The following ANKFN1 variants were observed in gnomAD, a reference collection of about 807,000 sequenced individuals.
The protein encoded by ANKFN1 is ankyrin repeat and fibronectin type-III domain-containing protein 1.
In ANKFN1, 74 loss-of-function variants were observed where a neutral mutation model predicts 108.7. That is an observed-to-expected ratio of 0.68 (90% confidence interval 0.56 to 0.83). The LOEUF (loss-of-function observed/expected upper bound fraction) is 0.83, where lower values mean the gene tolerates loss of function less well. Among genes scored for constraint, ANKFN1 ranks in the 40% least tolerant of loss-of-function variants. The probability of loss-of-function intolerance (pLI) is 0.00; values close to 1 mark genes in which losing one functional copy is unlikely to be tolerated. For missense variants in ANKFN1, 1,505 were observed against 1,382.3 expected (o/e 1.09, Z -1.41); for synonymous variants, 547 against 516.2 (o/e 1.06, Z -0.81).
intron 4 of ANKFN1, among the ~76,000 whole-genome samples, chr17:56,330,212 GT>G (rs142634250): frequency 0.012 from 1,122 of 90,800 alleles, 19 homozygotes; most frequent in African/African-American, 0.029. Flanking sequence ...TGGAATCACA[GT>G]TCCACATGGC....
At chr17:56,278,482 G>C (rs563712800) in intron 3 of ANKFN1, among the ~76,000 whole-genome samples, 1 of 152,272 alleles carries the variant, frequency 6.6e-6, no homozygotes, top group South Asian at 2.1e-4. Flanking sequence ...TATCCCAAAA[G>C]TAAACTTCAA....
chr17:56,093,694 C>T (rs1436384959), intron 4 of ANKFN1, among the ~76,000 whole-genome samples: 1 of 151,336 alleles, frequency 6.6e-6, no homozygotes, highest in East Asian at 1.9e-4. Flanking sequence ...AATGTCAAGC[C>T]CCAAGGTGAA....
intron 1 of ANKFN1, among the ~76,000 whole-genome samples, chr17:56,188,436 A>C (rs1404033346): frequency 6.6e-6 from 1 of 151,094 alleles, no homozygotes; most frequent in Non-Finnish European, 1.5e-5. Context: ...GCTGCTTATG[A>C]AATAATAAGA....
chr17:56,088,055 C>A (rs1355806215), intron 4 of ANKFN1, among the ~76,000 whole-genome samples: 1 of 151,276 alleles, frequency 6.6e-6, no homozygotes, highest in Non-Finnish European at 1.5e-5. Context: ...ATTCCAGTAG[C>A]CATCTTCACC....
intron 15 of ANKFN1, among the ~76,000 whole-genome samples, chr17:56,467,795 A>AAAAAGAAAG (rs1568026359): frequency 2.7e-3 from 47 of 17,698 alleles, no homozygotes; most frequent in African/African-American, 0.012. Flanking sequence ...AAGAAAGAAG[A>AAAAAGAAAG]AAGAAAGAAA....
At chr17:56,148,445 A>T (rs1001732462) in intron 4 of ANKFN1, among the ~76,000 whole-genome samples, 4 of 152,128 alleles carry the variant, frequency 2.6e-5, no homozygotes, top group East Asian at 3.9e-4. Flanking sequence ...GGTTTGTTTG[A>T]CCTCAGACAA....
At chr17:56,110,411 C>A (rs934085134) in intron 4 of ANKFN1, among the ~76,000 whole-genome samples, 1 of 152,186 alleles carries the variant, frequency 6.6e-6, no homozygotes, top group Non-Finnish European at 1.5e-5. Flanking sequence ...GACCTGAAGC[C>A]TTTCCTTCAT....
In ANKFN1 at chr17:56,440,313, C is replaced by T. The variant is rs370211962; in HGVS notation, c.911-14C>T. 26 of 1,564,962 alleles carry T rather than the reference C, an allele frequency of 1.7e-5. No individual in the cohort carries two copies. The highest frequency in any genetic ancestry group is 4.1e-5 in the African/African-American group (3 of 73,860). On this transcript the variant is annotated splice_polypyrimidine_tract_variant and intron_variant, in intron 8 of 20. Transcript: ENST00000682825. ...CCCTCTTTCTCTCTCTCCCTGCCCC[C>T]CTACTCCCTCCAGTGGAATGGAGTA...
At chr17:56,388,916 G>T (rs1203014694) in intron 8 of ANKFN1, among the ~76,000 whole-genome samples, 1 of 151,826 alleles carries the variant, frequency 6.6e-6, no homozygotes, top group Non-Finnish European at 1.5e-5. Flanking sequence ...AACAGCAAAT[G>T]CTGGCAAGGA....
intron 3 of ANKFN1, among the ~76,000 whole-genome samples, chr17:56,233,109 G>A (rs1916857368): frequency 6.6e-6 from 1 of 152,052 alleles, no homozygotes; most frequent in East Asian, 1.9e-4. Context: ...AAAGAATATA[G>A]AAAAAATTCT....
chr17:56,375,377 A>C (rs2046918798), intron 8 of ANKFN1, among the ~76,000 whole-genome samples: 1 of 152,198 alleles, frequency 6.6e-6, no homozygotes, highest in Non-Finnish European at 1.5e-5. Flanking sequence ...AAGTAGAGGG[A>C]ATAGAAAATA....
At chr17:56,280,574 G>T (rs1401962311) in intron 3 of ANKFN1, among the ~76,000 whole-genome samples, 1 of 152,016 alleles carries the variant, frequency 6.6e-6, no homozygotes, top group African/African-American at 2.4e-5. Flanking sequence ...GCTTGCAGAT[G>T]GCATATTGTG....
At chr17:56,069,953 C>A (rs892493333) in intron 4 of ANKFN1, among the ~76,000 whole-genome samples, 1 of 152,130 alleles carries the variant, frequency 6.6e-6, no homozygotes. Flanking sequence ...CCTGACATTG[C>A]CATGGCATTT....
intron 4 of ANKFN1, among the ~76,000 whole-genome samples, chr17:56,338,591 A>G (rs1459128233): frequency 6.6e-6 from 1 of 152,052 alleles, no homozygotes; most frequent in Non-Finnish European, 1.5e-5. Context: ...AGTCTTTTTA[A>G]AGGACTCTAT....
At chr17:56,316,779 C>A (rs995236810) in intron 3 of ANKFN1, among the ~76,000 whole-genome samples, 1 of 152,150 alleles carries the variant, frequency 6.6e-6, no homozygotes, top group Non-Finnish European at 1.5e-5. Context: ...AATCACCACC[C>A]ACTGAGTGGG....
chr17:56,196,848 G>A (rs540311610), intron 1 of ANKFN1, among the ~76,000 whole-genome samples: 1 of 152,336 alleles, frequency 6.6e-6, no homozygotes, highest in African/African-American at 2.4e-5. Flanking sequence ...GACTTGGGAA[G>A]AAGTTATGGC....
At chr17:56,290,802 G>T (rs751734661) in intron 3 of ANKFN1, among the ~76,000 whole-genome samples, 6 of 152,028 alleles carry the variant, frequency 3.9e-5, no homozygotes, top group Non-Finnish European at 8.8e-5. Flanking sequence ...TTATTGATTT[G>T]CAGATGTTTG....
At position 56,342,584 on chromosome 17, in the gene ANKFN1, A is replaced by C. The variant is rs191707334; in HGVS notation, c.189-8182A>C. 1.2e-3 allele frequency among the ~76,000 whole-genome samples: 180 copies of C among 152,062 alleles called. 4 individuals are homozygous for C. Among genetic ancestry groups the C allele is most frequent in the Non-Finnish European group, 1.2e-4 (8 of 67,950 alleles). On this transcript the variant is annotated intron_variant, in intron 4 of 20. Coordinates refer to ENST00000682825, the MANE Select transcript of ANKFN1 (RefSeq NM_001370326.1). ...ATGCCATTCAGGAGCATATTATTCA[A>C]TTTCCATGTAATTGTATGGTTTTGA...
At chr17:56,375,058 G>A (rs916462866) in intron 8 of ANKFN1, among the ~76,000 whole-genome samples, 16 of 152,130 alleles carry the variant, frequency 1.1e-4, no homozygotes, top group Non-Finnish European at 2.2e-4. Context: ...AGGATCTGAG[G>A]GGTTGTGATA....
Sources: allele counts gnomAD v4.1 joint callset (sites outside exome capture counted in the v4.1 genomes callset), GRCh38; gene constraint gnomAD v4.1.1; transcripts MANE v1.5; gene names NCBI Gene and HGNC (gene_info 2026-07-23, HGNC 2026-07-21).